The following LRBA variants were observed in gnomAD, a reference collection of about 807,000 sequenced individuals.
LRBA encodes the protein LPS responsive beige-like anchor protein.
In LRBA, 176 loss-of-function variants were observed where a neutral mutation model predicts 330.0. The ratio of observed to expected loss-of-function variants is 0.53; its 90% CI spans 0.47 to 0.60. LRBA has a LOEUF of 0.60. Among genes scored for constraint, LRBA ranks in the 20% least tolerant of loss-of-function variants. LRBA has a pLI of 0.00. For missense variants in LRBA, 3,259 were observed against 3,444.8 expected, an observed-to-expected ratio of 0.95 and a Z score of 1.35; for synonymous variants, 1,230 against 1,193.0, an observed-to-expected ratio of 1.03 and a Z score of -0.64.
chr4:150,267,362 G>C (rs889759356), intron 56 of LRBA, among the ~76,000 whole-genome samples: 1 of 152,028 alleles, frequency 6.6e-6, no homozygotes, highest in Admixed American at 6.5e-5. Context: ...AATGAAACTA[G>C]GTACCAATAA....
chr4:150,572,984 G>A (rs1402379903), intron 40 of LRBA, among the ~76,000 whole-genome samples: 1 of 152,128 alleles, frequency 6.6e-6, no homozygotes, highest in Admixed American at 6.5e-5. Context: ...GTGACTGCCT[G>A]ATGCTTTCAG....
chr4:150,289,840 A>G (rs557035359), intron 53 of LRBA, among the ~76,000 whole-genome samples: 1 of 152,360 alleles, frequency 6.6e-6, no homozygotes, highest in South Asian at 2.1e-4. Flanking sequence ...CAGATATATG[A>G]TATGGGATTT....
At chr4:150,777,084 G>GTTGTTGTTGT (rs1553959766) in intron 34 of LRBA, among the ~76,000 whole-genome samples, 3 of 151,554 alleles carry the variant, frequency 2.0e-5, no homozygotes, top group African/African-American at 7.3e-5. Flanking sequence ...TGTTGTTGTT[G>GTTGTTGTTGT]TTGTTGTTGT....
At chr4:150,615,939 C>A (rs1178662994) in intron 37 of LRBA, among the ~76,000 whole-genome samples, 1 of 152,078 alleles carries the variant, frequency 6.6e-6, no homozygotes. Flanking sequence ...GAATGGGGCA[C>A]TCTTGGAAGC....
chr4:150,852,744 C>T lies in LRBA; in HGVS notation c.2966G>A (p.Gly989Asp), dbSNP rs763026245. ...SPVCPHFTTN[G>D]NENSSIEKTS... ...CTTCTCTATACTTGAATTTTCATTACCATTTGTGGTGAAATGAGGACAGAC... is the reference window on the plus strand; with the variant it reads ...CTTCTCTATACTTGAATTTTCATTATCATTTGTGGTGAAATGAGGACAGAC... The change falls in exon 23 of 57, where the codon GGT (glycine) becomes GAT (aspartate). Residue 989 changes from glycine (G) to aspartate (D), a missense_variant. Physicochemically the swap from Gly to Asp is moderately conservative, Grantham distance 94. Coordinates refer to ENST00000651943, the MANE Select transcript of LRBA (RefSeq NM_001364905.1). The T allele has an allele frequency of 1.2e-6, 2 of 1,613,706 alleles. No homozygotes were observed. Among genetic ancestry groups the T allele is most frequent in the Admixed American group, 1.7e-5 (1 of 59,970 alleles).
chr4:150,529,140 G>A (rs1402376737), intron 40 of LRBA, among the ~76,000 whole-genome samples: 4 of 152,136 alleles, frequency 2.6e-5, no homozygotes, highest in Non-Finnish European at 5.9e-5. Flanking sequence ...CATTAGCAGT[G>A]ACTCTGTTTA....
chr4:151,003,896 T>A (rs1743708314), intron 2 of LRBA, among the ~76,000 whole-genome samples: 1 of 133,006 alleles, frequency 7.5e-6, no homozygotes, highest in Admixed American at 7.3e-5. Flanking sequence ...TGTGTGTGTG[T>A]GTGTGTGTGT....
At chr4:150,841,458 A>C (rs1360973514) in intron 28 of LRBA, among the ~76,000 whole-genome samples, 2 of 152,162 alleles carry the variant, frequency 1.3e-5, no homozygotes, top group Non-Finnish European at 2.9e-5. Context: ...TATTTCATAC[A>C]TATTTTTATT....
chr4:150,866,069 G>A (rs1560934972), intron 22 of LRBA, among the ~76,000 whole-genome samples: 2 of 152,132 alleles, frequency 1.3e-5, no homozygotes, highest in Non-Finnish European at 2.9e-5. Context: ...TAATAACTTT[G>A]ATAGTCAGTA....
chr4:150,304,667 C>T (rs1730128658), intron 52 of LRBA, among the ~76,000 whole-genome samples: 1 of 151,976 alleles, frequency 6.6e-6, no homozygotes. Context: ...AATCCAAGAC[C>T]TTCAAGAACT....
Position 150,583,563 on chromosome 4 carries a change from G to A in LRBA, c.6330+4485C>T. ...TCACTCCGGCGTTCAAGTGCACCGGGATCTGGCCTCGCAGCGCGGCACAGT... is the reference window on the plus strand; with the variant it reads ...TCACTCCGGCGTTCAAGTGCACCGGAATCTGGCCTCGCAGCGCGGCACAGT... On this transcript the variant is annotated intron_variant, in intron 40 of 56. Transcript: ENST00000651943. This position sits in a 1 kb window ranked among gnomAD's most constrained non-coding sequence, Gnocchi z 9.8. 8 of 1,613,874 alleles carry A rather than the reference G, an allele frequency of 5.0e-6. No homozygotes were observed. The highest frequency in any genetic ancestry group is 1.1e-5 in the South Asian group (1 of 91,062).
At chr4:150,818,438 C>A (rs555676702) in intron 30 of LRBA, among the ~76,000 whole-genome samples, 1 of 151,904 alleles carries the variant, frequency 6.6e-6, no homozygotes, top group Non-Finnish European at 1.5e-5. Context: ...GCAACAGCCA[C>A]CTGAGCCCCC....
chr4:150,471,585 T>C (rs764131383), intron 43 of LRBA, 39 bp downstream of exon 43: 10 of 1,151,376 alleles, frequency 8.7e-6, no homozygotes, highest in Non-Finnish European at 1.1e-5. Context: ...AATTAATAAT[T>C]TATTGTCTAA....
intron 47 of LRBA, among the ~76,000 whole-genome samples, chr4:150,358,527 C>T (rs1263337097): frequency 6.6e-6 from 1 of 151,942 alleles, no homozygotes; most frequent in Non-Finnish European, 1.5e-5. Context: ...ACTAGATGTT[C>T]AACTCTTTAA....
chr4:150,388,772 T>A (rs1038488843), intron 47 of LRBA, among the ~76,000 whole-genome samples: 3 of 152,234 alleles, frequency 2.0e-5, no homozygotes, highest in Non-Finnish European at 4.4e-5. Flanking sequence ...TCAACCACTG[T>A]ATCTCAAGAG....
intron 34 of LRBA, among the ~76,000 whole-genome samples, chr4:150,768,796 T>C (rs972138269): frequency 1.3e-5 from 2 of 151,886 alleles, no homozygotes; most frequent in African/African-American, 4.8e-5. Context: ...AAACGACTCA[T>C]AGAAAACAGA....
chr4:150,506,504 A>G (rs1177323262), intron 40 of LRBA, among the ~76,000 whole-genome samples: 1 of 152,228 alleles, frequency 6.6e-6, no homozygotes, highest in Non-Finnish European at 1.5e-5. Context: ...AGATGCAGAA[A>G]AGGCCTTTGA....
chr4:150,868,070 A>T, intron 21 of LRBA, 112 bp downstream of exon 21: 1 of 1,192,640 alleles, frequency 8.4e-7, no homozygotes, highest in Admixed American at 2.5e-5. Flanking sequence ...CTTAATAAAA[A>T]AAATAGAAAA....
chr4:150,600,329 A>G (rs1773983726), intron 37 of LRBA, among the ~76,000 whole-genome samples: 1 of 152,184 alleles, frequency 6.6e-6, no homozygotes, highest in South Asian at 2.1e-4. Flanking sequence ...TTGACAAATT[A>G]GTAGTCTTCA....
Sources: gnomAD v4.1 joint callset for allele counts (sites outside exome capture counted in the v4.1 genomes callset) on GRCh38, gnomAD v4.1.1 for gene constraint, Gnocchi (gnomAD v3.1) non-coding constraint, MANE v1.5 for transcripts, NCBI Gene and HGNC (gene_info 2026-07-23, HGNC 2026-07-21) for gene names.